EPHA3: variants seen among roughly 807,000 people sequenced by gnomAD.
The protein encoded by EPHA3 is ephrin type-A receptor 3.
A neutral mutation model predicts 107.1 loss-of-function variants in EPHA3; 42 were observed. The observed-to-expected ratio is 0.39, with a 90% CI of 0.31 to 0.51. The LOEUF is 0.51. EPHA3 is among the 20% of genes least tolerant of loss of function. The pLI is 0.78. For synonymous variants in EPHA3, 461 were observed against 424.8 expected, an observed-to-expected ratio of 1.09 and a Z score of -1.05; for missense variants, 1,183 against 1,211.2, an observed-to-expected ratio of 0.98 and a Z score of 0.35.
chr3:89,456,430 T>C lies in EPHA3; in HGVS notation c.2690+6060T>C, dbSNP rs112698348. ...GTCTTTCTGGATTTAGTACATTTTA[T>C]GGTCAAATTTTATTTTTTTCTTGGT... On this transcript the variant is annotated intron_variant, in intron 15 of 16. Transcript: ENST00000336596. 8.6e-4 allele frequency among the ~76,000 whole-genome samples: 131 copies of C among 152,316 alleles called. 1 individual carries two copies. The Middle Eastern group carries it at 0.014, about 16-fold the overall frequency.
intron 2 of EPHA3, among the ~76,000 whole-genome samples, chr3:89,190,901 C>A (rs936826998): frequency 1.3e-5 from 2 of 152,122 alleles, no homozygotes; most frequent in Non-Finnish European, 2.9e-5. Flanking sequence ...ATAATAACTT[C>A]ATTTTCATTT....
At chr3:89,249,353 G>C (rs1350741536) in intron 3 of EPHA3, among the ~76,000 whole-genome samples, 3 of 152,124 alleles carry the variant, frequency 2.0e-5, no homozygotes, top group Admixed American at 6.5e-5. Flanking sequence ...GAACGGCGGT[G>C]ACATTTTAAT....
At chr3:89,263,174 T>G (rs1375726066) in intron 3 of EPHA3, among the ~76,000 whole-genome samples, 2 of 151,742 alleles carry the variant, frequency 1.3e-5, no homozygotes, top group African/African-American at 4.8e-5. Flanking sequence ...CCTGTGTCCA[T>G]GTGTTCTCTC....
In EPHA3 at chr3:89,307,771, T is replaced by A. The variant is rs1706661588; in HGVS notation, c.815-33145T>A. Among the ~76,000 whole-genome samples, 4 of 152,136 alleles carry A rather than the reference T, an allele frequency of 2.6e-5. No homozygotes were observed. In the South Asian group the frequency reaches 8.3e-4, roughly 32 times the overall value. On this transcript the variant is annotated intron_variant, in intron 3 of 16. Transcript: ENST00000336596. ...TCTGTTCATGTTGCCCAGGTTGGTC[T>A]TGAACTCCTGGGCTCGAATGATCTG...
At chr3:89,469,594 A>G (rs1710361400) in intron 15 of EPHA3, among the ~76,000 whole-genome samples, 5 of 152,192 alleles carry the variant, frequency 3.3e-5, no homozygotes, top group Admixed American at 2.6e-4. Context: ...AAACCTCTCA[A>G]TTAAAAGACC....
chr3:89,475,967 G>A (rs1436864394), intron 16 of EPHA3, among the ~76,000 whole-genome samples: 1 of 152,026 alleles, frequency 6.6e-6, no homozygotes, highest in Non-Finnish European at 1.5e-5. Context: ...GGCAAGAATA[G>A]AGAGACTAGA....
intron 1 of EPHA3, among the ~76,000 whole-genome samples, chr3:89,119,760 T>C (rs1331439671): frequency 2.0e-5 from 3 of 152,170 alleles, no homozygotes; most frequent in Admixed American, 2.0e-4. Context: ...TATGTGTGTA[T>C]GTATGTGCAC....
chr3:89,114,798 T>C (rs2106946965), intron 1 of EPHA3, among the ~76,000 whole-genome samples: 1 of 152,322 alleles, frequency 6.6e-6, no homozygotes, highest in East Asian at 1.9e-4. Context: ...GCGGATCTGC[T>C]GGCACTGGGA....
At chr3:89,244,358 A>C (rs188893372) in intron 3 of EPHA3, among the ~76,000 whole-genome samples, 6 of 152,038 alleles carry the variant, frequency 3.9e-5, no homozygotes, top group African/African-American at 1.4e-4. Context: ...TAATATCTAA[A>C]AATTTTAAGT....
In EPHA3 at chr3:89,178,824, C is replaced by A. The variant is rs533739856; in HGVS notation, c.154-31036C>A. On this transcript the variant is annotated intron_variant, in intron 2 of 16. Transcript: ENST00000336596. ...TGGGTAAAAGAAAAGTGTTTTATAT[C>A]AGTTACTGCTTATAACTAGCATCTG... Among the ~76,000 whole-genome samples, 8 of 151,874 alleles carry A rather than the reference C, an allele frequency of 5.3e-5. No homozygotes were observed. In the South Asian group the frequency reaches 1.7e-3, roughly 32 times the overall value.
At chr3:89,342,216 C>A (rs1707546076) in intron 5 of EPHA3, 126 bp downstream of exon 5, 2 of 706,244 alleles carry the variant, frequency 2.8e-6, no homozygotes, top group Non-Finnish European at 4.6e-6. Flanking sequence ...TGCCTTCTAA[C>A]ACATTTAAAC....
intron 3 of EPHA3, among the ~76,000 whole-genome samples, chr3:89,261,893 C>T (rs1705425799): frequency 6.6e-6 from 1 of 151,244 alleles, no homozygotes; most frequent in Non-Finnish European, 1.5e-5. Context: ...TTTGCACCAA[C>T]CTAATACCTT....
chr3:89,468,956 A>G (rs1282699632), intron 15 of EPHA3, among the ~76,000 whole-genome samples: 1 of 152,160 alleles, frequency 6.6e-6, no homozygotes, highest in Admixed American at 6.6e-5. Context: ...AAAATCATAA[A>G]GTCGTTTGCA....
chr3:89,134,147 C>A (rs1704261696), intron 2 of EPHA3, among the ~76,000 whole-genome samples: 2 of 151,728 alleles, frequency 1.3e-5, no homozygotes, highest in African/African-American at 4.8e-5. Flanking sequence ...TCTTCGGCAA[C>A]CTCTTGTGCA....
At chr3:89,324,585 A>G (rs1001296666) in intron 3 of EPHA3, among the ~76,000 whole-genome samples, 2 of 151,902 alleles carry the variant, frequency 1.3e-5, no homozygotes, top group Non-Finnish European at 2.9e-5. Flanking sequence ...CAAAAATTAC[A>G]TATATTTAAG....
At chr3:89,400,997 C>G (rs1297426217) in intron 7 of EPHA3, among the ~76,000 whole-genome samples, 2 of 152,132 alleles carry the variant, frequency 1.3e-5, no homozygotes, top group Non-Finnish European at 2.9e-5. Flanking sequence ...TCCCATTCTT[C>G]CCTGACACCT....
chr3:89,299,313 G>A (rs1287942496), intron 3 of EPHA3, among the ~76,000 whole-genome samples: 1 of 151,902 alleles, frequency 6.6e-6, no homozygotes, highest in Non-Finnish European at 1.5e-5. Context: ...AAAAGACAGA[G>A]CAGCATTACA....
At chr3:89,129,074 T>A (rs1704147743) in intron 2 of EPHA3, among the ~76,000 whole-genome samples, 1 of 152,184 alleles carries the variant, frequency 6.6e-6, no homozygotes, top group South Asian at 2.1e-4. Context: ...ACATTGTGAA[T>A]CAGAATGTGT....
At chr3:89,455,374 A>G (rs1196896422) in intron 15 of EPHA3, among the ~76,000 whole-genome samples, 7 of 152,186 alleles carry the variant, frequency 4.6e-5, no homozygotes, top group Non-Finnish European at 8.8e-5. Flanking sequence ...TTGAGATGAG[A>G]AAGGGTTTGG....
Sources: gnomAD v4.1 joint callset for allele counts (sites outside exome capture counted in the v4.1 genomes callset) on GRCh38, gnomAD v4.1.1 for gene constraint, MANE v1.5 for transcripts, NCBI Gene and HGNC (gene_info 2026-07-23, HGNC 2026-07-21) for gene names.